The following KYNU variants were observed in gnomAD, a reference collection of about 807,000 sequenced individuals.
The protein encoded by KYNU is kynureninase, also known as L-kynurenine hydrolase.
A neutral mutation model predicts 59.2 loss-of-function variants in KYNU; 54 were observed. That is an observed-to-expected ratio of 0.91 (90% CI 0.73 to 1.14). KYNU has a LOEUF of 1.14. KYNU is among the 50% of genes most tolerant of loss of function. The probability of loss-of-function intolerance (pLI) is 0.00; values close to 1 mark genes in which losing one functional copy is unlikely to be tolerated. For missense variants in KYNU, 567 were observed against 554.4 expected (o/e 1.02, Z -0.23); for synonymous variants, 177 against 192.0 (o/e 0.92, Z 0.65).
rs1241529337 is a variant in KYNU at position 143,044,143 on chromosome 2, T to A, written c.*1971T>A. The A allele has an allele frequency of 6.6e-6, 1 of 152,204 alleles. No individual in the cohort carries two copies. The highest frequency in any genetic ancestry group is 1.9e-4 in the East Asian group (1 of 5,200). The allele number at this position is 152,204 out of a possible 1,614,324, so 9.4% of individuals were successfully genotyped here. On this transcript the variant is annotated 3_prime_UTR_variant, in exon 14 of 14. Transcript: ENST00000264170. ...GAATGATGGTTTCCAGCTTCATCCA[T>A]GTCCCTGCAAAGGACATGAACTCAT...
At chr2:142,893,938 A>C (rs199824053) in intron 2 of KYNU, among the ~76,000 whole-genome samples, 1 of 152,234 alleles carries the variant, frequency 6.6e-6, no homozygotes, top group African/African-American at 2.4e-5. Context: ...GATACCAGGC[A>C]TAACATACCT....
chr2:143,012,030 A>T (rs1289482312), intron 10 of KYNU, among the ~76,000 whole-genome samples: 2 of 148,338 alleles, frequency 1.3e-5, no homozygotes, highest in African/African-American at 2.5e-5. Context: ...AACCTGCACA[A>T]TGTGCACATA....
At chr2:142,949,347 C>A (rs1460638683) in intron 4 of KYNU, among the ~76,000 whole-genome samples, 1 of 152,212 alleles carries the variant, frequency 6.6e-6, no homozygotes, top group Non-Finnish European at 1.5e-5. Context: ...TGTGTGGGGG[C>A]TGCCACCCCA....
At chr2:143,024,368 A>G (rs941374331) in intron 10 of KYNU, among the ~76,000 whole-genome samples, 1 of 151,952 alleles carries the variant, frequency 6.6e-6, no homozygotes, top group Admixed American at 6.5e-5. Context: ...TAGTCACAAT[A>G]TGTCATTTTG....
At chr2:142,957,252 CT>C (rs987531804) in intron 6 of KYNU, among the ~76,000 whole-genome samples, 8 of 151,688 alleles carry the variant, frequency 5.3e-5, no homozygotes, top group South Asian at 2.1e-4. Context: ...TTCTTAATGC[CT>C]TTTTTTTAGC....
At chr2:142,943,033 A>G (rs1286743376) in intron 4 of KYNU, among the ~76,000 whole-genome samples, 1 of 151,964 alleles carries the variant, frequency 6.6e-6, no homozygotes, top group Non-Finnish European at 1.5e-5. Flanking sequence ...ACTCACCCAA[A>G]TCCTGAGATA....
Position 143,040,450 on chromosome 2 carries a change from A to C in KYNU, c.1064A>C (p.Lys355Thr), listed in dbSNP as rs537147146. Residue 355 changes from lysine to threonine, a missense_variant, in exon 13 of 14, where the codon AAG (lysine) becomes ACG (threonine). Coordinates refer to ENST00000264170, the MANE Select transcript of KYNU (RefSeq NM_003937.3). ...SLEIFKQATMKALRKKSVLLT... is the reference protein window; with the variant it reads ...SLEIFKQATMTALRKKSVLLT... ...CAGATCTTTAAGCAAGCGACAATGA[A>C]GGCATTGCGGAAAAAATCTGTTTTG... 8.7e-6 allele frequency: 14 copies of C among 1,612,464 alleles called. No homozygotes were observed. The South Asian group carries it at 1.4e-4, about 16-fold the overall frequency.
intron 8 of KYNU, among the ~76,000 whole-genome samples, chr2:142,968,502 A>G (rs1684615616): frequency 6.6e-6 from 1 of 152,224 alleles, no homozygotes; most frequent in Non-Finnish European, 1.5e-5. Flanking sequence ...AGCCATTCAA[A>G]GAGCCATATT....
intron 11 of KYNU, among the ~76,000 whole-genome samples, chr2:143,032,227 A>G (rs922117667): frequency 2.0e-5 from 3 of 152,058 alleles, no homozygotes; most frequent in African/African-American, 4.8e-5. Context: ...TCAGTGAGCC[A>G]AGATCGCGCC....
At chr2:142,952,885 T>G (rs1684036139) in intron 4 of KYNU, among the ~76,000 whole-genome samples, 1 of 152,216 alleles carries the variant, frequency 6.6e-6, no homozygotes, top group South Asian at 2.1e-4. Flanking sequence ...GTATTTTTCT[T>G]CATATTACTT....
intron 10 of KYNU, among the ~76,000 whole-genome samples, chr2:143,017,919 T>C (rs1010151611): frequency 6.6e-6 from 1 of 151,306 alleles, no homozygotes; most frequent in African/African-American, 2.4e-5. Flanking sequence ...GGGCAAAATA[T>C]TTAGTTCAAT....
At chr2:142,913,072 T>A (rs937901855) in intron 2 of KYNU, among the ~76,000 whole-genome samples, 20 of 152,302 alleles carry the variant, frequency 1.3e-4, no homozygotes, top group Non-Finnish European at 2.5e-4. Flanking sequence ...TGACTGTGCA[T>A]ATTTGAATCC....
At chr2:142,962,872 CTGG>C (rs1330874451) in intron 8 of KYNU, among the ~76,000 whole-genome samples, 1 of 152,140 alleles carries the variant, frequency 6.6e-6, no homozygotes, top group Non-Finnish European at 1.5e-5. Flanking sequence ...ATAGGTCTCT[CTGG>C]TGGTCTGGTC....
In KYNU at chr2:142,881,909, C is replaced by CTT. The variant is rs1222437103; in HGVS notation, c.-19-3435_-19-3434dup. Among the ~76,000 whole-genome samples, 176 of 124,628 alleles carry CTT rather than the reference C, an allele frequency of 1.4e-3. 13 individuals are homozygous for CTT. Among genetic ancestry groups the CTT allele is most frequent in the African/African-American group, 3.8e-3 (115 of 30,160 alleles). 81.8% of individuals were successfully genotyped at this position (124,628 alleles called of 152,430 possible). A position where few individuals can be genotyped will look rare whatever the true frequency, so the allele number is the denominator to read the frequency against. ...TGCCAGCACACCTGGCTTTTCTTTT[C>CTT]TTTTTTCTTTTTTTTTTTTTTTTTT... On this transcript the variant is annotated intron_variant, in intron 1 of 13. Coordinates refer to ENST00000264170, the MANE Select transcript of KYNU (RefSeq NM_003937.3).
chr2:143,032,289 CA>C (rs1038644031), intron 11 of KYNU, among the ~76,000 whole-genome samples: 5 of 74,984 alleles, frequency 6.7e-5, no homozygotes, highest in Non-Finnish European at 1.0e-4. Flanking sequence ...AAAACAAAAA[CA>C]AAAAAAAAAA....
intron 7 of KYNU, chr2:142,957,972 ATATTCT>A (rs1326601288): frequency 1.3e-5 from 5 of 384,866 alleles, no homozygotes; most frequent in Admixed American, 1.3e-4. Flanking sequence ...GGATTCTGCC[ATATTCT>A]TCAATGGGAT....
At chr2:142,986,133 G>T in intron 10 of KYNU, 112 bp downstream of exon 10, 2 of 744,522 alleles carry the variant, frequency 2.7e-6, no homozygotes, top group Non-Finnish European at 4.8e-6. Flanking sequence ...ATTAGGATTG[G>T]ATTATAATTA....
At position 143,009,024 on chromosome 2, in the gene KYNU, CA is replaced by C. The variant is rs1346287268; in HGVS notation, c.903-20599del. On this transcript the variant is annotated intron_variant, in intron 10 of 13. Coordinates refer to ENST00000264170, the MANE Select transcript of KYNU (RefSeq NM_003937.3). ...CTAGAAAAGCAAGAGCAAACATATTCAAAAGCTAGCAGAAGGCAAGAAATAA... is the reference window on the plus strand; with the variant it reads ...CTAGAAAAGCAAGAGCAAACATATTCAAAGCTAGCAGAAGGCAAGAAATAA... 5.2e-5 allele frequency among the ~76,000 whole-genome samples: 6 copies of C among 115,380 alleles called. 1 individual carries two copies. Among genetic ancestry groups the C allele is most frequent in the Admixed American group, 1.7e-4 (2 of 11,708 alleles). The allele number at this position is 115,380 out of a possible 152,430, so 75.7% of individuals were successfully genotyped here.
chr2:142,969,621 T>G (rs1684657225), intron 8 of KYNU, among the ~76,000 whole-genome samples: 1 of 152,204 alleles, frequency 6.6e-6, no homozygotes, highest in African/African-American at 2.4e-5. Flanking sequence ...AAATAATGAT[T>G]AATTCTCAAT....
Sources: gnomAD v4.1 joint callset for allele counts (sites outside exome capture counted in the v4.1 genomes callset) on GRCh38, gnomAD v4.1.1 for gene constraint, MANE v1.5 for transcripts, NCBI Gene and HGNC (gene_info 2026-07-23, HGNC 2026-07-21) for gene names.